The following TAX1BP1 variants were observed in gnomAD, a reference collection of about 807,000 sequenced individuals.
TAX1BP1 encodes Tax1 binding protein 1.
A neutral mutation model predicts 97.7 loss-of-function variants in TAX1BP1; 62 were observed. That is an observed-to-expected ratio of 0.63 (90% CI 0.52 to 0.78). The LOEUF (loss-of-function observed/expected upper bound fraction) is 0.78, where lower values mean the gene tolerates loss of function less well. Ranked by LOEUF, TAX1BP1 falls within the 30% of genes least tolerant of loss-of-function variation. The pLI is 0.00. For missense variants in TAX1BP1, 867 were observed against 916.1 expected, an observed-to-expected ratio of 0.95 and a Z score of 0.69; for synonymous variants, 340 against 304.2, an observed-to-expected ratio of 1.12 and a Z score of -1.23.
intron 13 of TAX1BP1, among the ~76,000 whole-genome samples, chr7:27,815,797 A>G (rs998924468): frequency 1.1e-4 from 16 of 152,022 alleles, no homozygotes; most frequent in African/African-American, 3.9e-4. Context: ...GCACTTTGGG[A>G]GGCTGAAGTG....
At chr7:27,752,832 T>A (rs191633812) in intron 2 of TAX1BP1, among the ~76,000 whole-genome samples, 133 of 152,336 alleles carry the variant, frequency 8.7e-4, no homozygotes, top group African/African-American at 3.1e-3. Context: ...CCATTATACG[T>A]TGGAGCTGAG....
At chr7:27,809,589 A>T (rs187015445) in intron 13 of TAX1BP1, among the ~76,000 whole-genome samples, 1 of 152,266 alleles carries the variant, frequency 6.6e-6, no homozygotes, top group African/African-American at 2.4e-5. Context: ...AACCTTAACT[A>T]TCTTGTCCAT....
At chr7:27,762,291 G>A (rs1200343897) in intron 3 of TAX1BP1, among the ~76,000 whole-genome samples, 2 of 152,128 alleles carry the variant, frequency 1.3e-5, no homozygotes, top group Admixed American at 6.5e-5. Context: ...AAATTTAGGT[G>A]TGTATTGGAA....
chr7:27,778,888 A>G (rs1168162193), intron 5 of TAX1BP1, among the ~76,000 whole-genome samples: 2 of 150,988 alleles, frequency 1.3e-5, no homozygotes, highest in African/African-American at 4.9e-5. Context: ...TACAATTTGG[A>G]TGGTTTTTTG....
At chr7:27,745,065 T>A (rs923528152) in intron 1 of TAX1BP1, among the ~76,000 whole-genome samples, 1 of 152,334 alleles carries the variant, frequency 6.6e-6, no homozygotes, top group African/African-American at 2.4e-5. Context: ...TGACTGGACG[T>A]TTCATACTTA....
At chr7:27,767,691 G>C (rs1335554853) in intron 4 of TAX1BP1, among the ~76,000 whole-genome samples, 1 of 152,020 alleles carries the variant, frequency 6.6e-6, no homozygotes, top group Non-Finnish European at 1.5e-5. Context: ...CCTCATTTCA[G>C]GGCCTCCAAC....
chr7:27,744,480 T>C (rs78966593), intron 1 of TAX1BP1, among the ~76,000 whole-genome samples: 7,020 of 152,354 alleles, frequency 0.046, 238 homozygotes, highest in Non-Finnish European at 0.07. Context: ...ACCATAATTA[T>C]ATTATCACAC....
chr7:27,792,770 C>T (rs1381723908), intron 9 of TAX1BP1, among the ~76,000 whole-genome samples: 8 of 151,788 alleles, frequency 5.3e-5, no homozygotes, highest in African/African-American at 9.7e-5. Context: ...AAGACCAGCC[C>T]GGGCAACATA....
intron 15 of TAX1BP1, among the ~76,000 whole-genome samples, chr7:27,826,364 A>G (rs908529704): frequency 5.1e-4 from 77 of 152,300 alleles, no homozygotes; most frequent in African/African-American, 1.7e-3. Context: ...AAATTGTCAG[A>G]AGGATAGTCA....
intron 12 of TAX1BP1, among the ~76,000 whole-genome samples, chr7:27,797,003 TA>T (rs1219374844): frequency 8.8e-5 from 13 of 147,038 alleles, no homozygotes; most frequent in Non-Finnish European, 1.3e-4. Context: ...TATTTTATTT[TA>T]TTTTTTTTTT....
At chr7:27,776,803 CT>C (rs941244372) in intron 5 of TAX1BP1, among the ~76,000 whole-genome samples, 47 of 138,504 alleles carry the variant, frequency 3.4e-4, no homozygotes, top group East Asian at 4.2e-4. Flanking sequence ...TTCACTTGTG[CT>C]TTTTTTTTTC....
chr7:27,828,638 C>G lies in TAX1BP1; in HGVS notation c.2179C>G (p.His727Asp), dbSNP rs764008263. ...ATTTTTCTCTTTAAGCTTTGATGTTCACAAGAAGTGTCCCCTCTGTGAGTT... is the reference window on the plus strand; with the variant it reads ...ATTTTTCTCTTTAAGCTTTGATGTTGACAAGAAGTGTCCCCTCTGTGAGTT... ...GFCFDSSFDV[H>D]KKCPLCELMF... The change falls in exon 17 of 17, where the codon CAC (histidine) becomes GAC (aspartate). Residue 727 changes from histidine (H) to aspartate (D), a missense_variant. By Grantham distance (81) the His-to-Asp change is moderately conservative. Coordinates refer to ENST00000396319, the MANE Select transcript of TAX1BP1 (RefSeq NM_006024.7). The G allele has an allele frequency of 2.5e-6, 4 of 1,613,570 alleles. No individual in the cohort carries two copies. The highest frequency in any genetic ancestry group is 3.4e-6 in the Non-Finnish European group (4 of 1,179,768).
In TAX1BP1 at chr7:27,785,454, T is replaced by C; in HGVS notation, c.817T>C (p.Leu273=). The C allele has an allele frequency of 6.2e-7, 1 of 1,613,450 alleles. No homozygotes were observed. The highest frequency in any genetic ancestry group is 2.2e-5 in the East Asian group (1 of 44,854). ...QHEREQLECQ[L]KTEKDEKELY... ...TGAAAGAGAACAACTTGAATGTCAG[T>C]TGAAGACAGAGAAGGATGAAAAGGA... is the stretch of plus-strand genomic sequence containing the variant. The change falls in exon 7 of 17, where the codon TTG becomes CTG. Residue 273 remains leucine (L), a synonymous_variant. Coordinates refer to ENST00000396319, the MANE Select transcript of TAX1BP1 (RefSeq NM_006024.7).
chr7:27,771,465 G>A (rs1176080804), intron 5 of TAX1BP1, among the ~76,000 whole-genome samples: 1 of 151,650 alleles, frequency 6.6e-6, no homozygotes, highest in East Asian at 1.9e-4. Context: ...GCCTTCATTT[G>A]TGTGAAATTA....
chr7:27,785,331 AAAAT>A lies in TAX1BP1; in HGVS notation c.761+25_761+28del. The A allele has an allele frequency of 6.3e-7, 1 of 1,591,222 alleles. No individual in the cohort carries two copies. The highest frequency in any genetic ancestry group is 8.5e-7 in the Non-Finnish European group (1 of 1,172,920). On this transcript the variant is annotated intron_variant, in intron 6 of 16. Transcript: ENST00000396319. ...AGACAGGTATTTCTCATGCTTTTAA[AAAAT>A]AAATTCAATAAAAATTTTAAAACTT...
Position 27,793,053 on chromosome 7 carries a change from T to C in TAX1BP1, c.1264-13T>C. Reference sequence around the variant, plus strand: ...ATTTTTATTTTTTTCTTCAAATGTTTGTTTCTTTCTAGGACAAGACTGATA... The same window carrying C: ...ATTTTTATTTTTTTCTTCAAATGTTCGTTTCTTTCTAGGACAAGACTGATA... On this transcript the variant is annotated splice_polypyrimidine_tract_variant and intron_variant, in intron 9 of 16. Transcript: ENST00000396319. 1 of 1,573,538 alleles carries C rather than the reference T, an allele frequency of 6.4e-7. No homozygotes were observed. The highest frequency in any genetic ancestry group is 8.5e-7 in the Non-Finnish European group (1 of 1,169,750).
Position 27,784,302 on chromosome 7 carries a change from C to T in TAX1BP1, c.613-861C>T, listed in dbSNP as rs770418652. On this transcript the variant is annotated intron_variant, in intron 5 of 16. Coordinates refer to ENST00000396319, the MANE Select transcript of TAX1BP1 (RefSeq NM_006024.7). ...TCTTTTATAATATAGTTTTCTATAA[C>T]AAAGCACTTCCCTATATACACTGTT... 2.0e-5 allele frequency among the ~76,000 whole-genome samples: 3 copies of T among 152,176 alleles called. No individual in the cohort carries two copies. The South Asian group carries it at 6.2e-4, about 32-fold the overall frequency.
chr7:27,816,279 G>A lies in TAX1BP1; in HGVS notation c.1765-70G>A, dbSNP rs537501022. ...TTTTATTGTTATATTTTGACTAAAT[G>A]TTTAATACTGCTGTATTTATGAAAT... On this transcript the variant is annotated intron_variant, in intron 13 of 16. Coordinates refer to ENST00000396319, the MANE Select transcript of TAX1BP1 (RefSeq NM_006024.7). 2.4e-4 allele frequency: 297 copies of A among 1,213,640 alleles called. 1 individual carries two copies. In the African/African-American group the frequency reaches 3.8e-3, roughly 16 times the overall value. The allele number at this position is 1,213,640 out of a possible 1,614,324, so 75.2% of individuals were successfully genotyped here.
At chr7:27,781,727 T>C (rs1270571879) in intron 5 of TAX1BP1, among the ~76,000 whole-genome samples, 1 of 151,998 alleles carries the variant, frequency 6.6e-6, no homozygotes, top group African/African-American at 2.4e-5. Context: ...TTAATTTTTT[T>C]TTTTGAGACG....
Sources: gnomAD v4.1 joint callset for allele counts (sites outside exome capture counted in the v4.1 genomes callset) on GRCh38, gnomAD v4.1.1 for gene constraint, MANE v1.5 for transcripts, NCBI Gene and HGNC (gene_info 2026-07-23, HGNC 2026-07-21) for gene names.